EEF1AKMT2: variants seen among roughly 807,000 people sequenced by gnomAD.
The protein encoded by EEF1AKMT2 is eukaryotic translation elongation factor 1 alpha lysine methyltransferase 2.
Under a neutral mutation model 35.8 loss-of-function variants are expected in EEF1AKMT2, and 32 were observed. That is an observed-to-expected ratio of 0.89 (90% CI 0.67 to 1.20). The LOEUF (loss-of-function observed/expected upper bound fraction) is 1.20, where lower values mean the gene tolerates loss of function less well. EEF1AKMT2 is among the 50% of genes most tolerant of loss of function. The probability of loss-of-function intolerance (pLI) is 0.00; values close to 1 mark genes in which losing one functional copy is unlikely to be tolerated. For synonymous variants in EEF1AKMT2, 121 were observed against 133.7 expected, an observed-to-expected ratio of 0.91 and a Z score of 0.65; for missense variants, 330 against 347.5, an observed-to-expected ratio of 0.95 and a Z score of 0.40.
At chr10:124,757,623 T>C (rs1035840927), downstream of EEF1AKMT2, among the ~76,000 whole-genome samples, 1 of 151,968 alleles carries the variant, frequency 6.6e-6, no homozygotes, top group Non-Finnish European at 1.5e-5. Context: ...CACATTACAG[T>C]ATCATAGAAA....
In EEF1AKMT2 at chr10:124,783,981, C is replaced by T. The variant is rs184965015; in HGVS notation, c.291+5062G>A. On this transcript the variant is annotated intron_variant, in intron 3 of 6. Transcript: ENST00000368836. ...CTGGGATTACAGGCATGCACCACCACGCCCAACCAATTTTATATTTTTAGT... is the reference window on the plus strand; with the variant it reads ...CTGGGATTACAGGCATGCACCACCATGCCCAACCAATTTTATATTTTTAGT... 1.7e-4 allele frequency among the ~76,000 whole-genome samples: 26 copies of T among 152,252 alleles called. 1 individual carries two copies. Among genetic ancestry groups the T allele is most frequent in the African/African-American group, 6.3e-4 (26 of 41,556 alleles).
chr10:124,765,493 T>G lies in EEF1AKMT2; in HGVS notation c.515A>C (p.Gln172Pro), dbSNP rs751093375. Residue 172 changes from glutamine (Q) to proline (P), a missense_variant, in exon 5 of 7, where the codon CAA becomes CCA. Gln to Pro is a moderately conservative substitution (Grantham distance 76). Coordinates refer to ENST00000368836, the MANE Select transcript of EEF1AKMT2 (RefSeq NM_212554.4). ...NPDNAIEKRK[Q>P]YVKSLSRVLK... is the part of the protein sequence containing the mutation. ...CACCCTGGAGAGAGATTTCACATAT[T>G]GCTTCCTCTTCTCAATTGCATTGTC... is the stretch of plus-strand genomic sequence containing the variant. 17 of 1,613,880 alleles carry G rather than the reference T, an allele frequency of 1.1e-5. No homozygotes were observed. Among genetic ancestry groups the G allele is most frequent in the Non-Finnish European group, 1.4e-5 (17 of 1,179,950 alleles).
chr10:124,774,456 C>G (rs1452904334), intron 4 of EEF1AKMT2, among the ~76,000 whole-genome samples: 1 of 138,742 alleles, frequency 7.2e-6, no homozygotes, highest in Non-Finnish European at 1.5e-5. Flanking sequence ...TGTGTATTTG[C>G]AAACATCAGG....
At chr10:124,789,290 G>T (rs1950614281) in intron 2 of EEF1AKMT2, 133 bp from the exon 3 acceptor site, 3 of 578,670 alleles carry the variant, frequency 5.2e-6, no homozygotes, top group Non-Finnish European at 9.0e-6. Flanking sequence ...CTTCAGCTTT[G>T]TCTCTACTGT....
At chr10:124,773,542 G>C (rs540832924) in intron 4 of EEF1AKMT2, among the ~76,000 whole-genome samples, 2 of 152,226 alleles carry the variant, frequency 1.3e-5, no homozygotes, top group African/African-American at 4.8e-5. Context: ...CCACTGTAAG[G>C]TTTTTAATTG....
intron 3 of EEF1AKMT2, among the ~76,000 whole-genome samples, chr10:124,785,895 CAAAAAA>C (rs34637624): frequency 1.7e-5 from 1 of 59,464 alleles, no homozygotes; most frequent in Non-Finnish European, 2.9e-5. Context: ...GACTCTGTCT[CAAAAAA>C]AAAAAAAAAA....
At chr10:124,773,141 AACTGAACACTT>A (rs1384271501) in intron 4 of EEF1AKMT2, among the ~76,000 whole-genome samples, 4 of 152,132 alleles carry the variant, frequency 2.6e-5, no homozygotes, top group Non-Finnish European at 4.4e-5. Flanking sequence ...TCTACCTTTC[AACTGAACACTT>A]ACAGGCCACT....
intron 4 of EEF1AKMT2, among the ~76,000 whole-genome samples, chr10:124,771,169 A>G (rs759348319): frequency 7.3e-5 from 11 of 150,972 alleles, no homozygotes; most frequent in African/African-American, 1.2e-4. Flanking sequence ...GCTAGATCTC[A>G]GCTCACTGCA....
At chr10:124,774,092 G>A (rs577595680) in intron 4 of EEF1AKMT2, among the ~76,000 whole-genome samples, 163 of 152,236 alleles carry the variant, frequency 1.1e-3, no homozygotes, top group African/African-American at 3.8e-3. Context: ...TGTGGGCAGG[G>A]CGCGGTGGCT....
chr10:124,777,704 G>GT lies in EEF1AKMT2; in HGVS notation c.292-2923dup, dbSNP rs898795541. 1.9e-3 allele frequency among the ~76,000 whole-genome samples: 279 copies of GT among 149,986 alleles called. 3 individuals are homozygous for GT. Among genetic ancestry groups the GT allele is most frequent in the African/African-American group, 6.0e-3 (244 of 40,868 alleles). On this transcript the variant is annotated intron_variant, in intron 3 of 6. Transcript: ENST00000368836. ...GTTAATTTTTGTTTTTTTGTTTTTT[G>GT]TTTTTTTTTGTAGAGACAGGGTTTC... is the stretch of plus-strand genomic sequence containing the variant.
chr10:124,785,030 C>T (rs1163236713), intron 3 of EEF1AKMT2, among the ~76,000 whole-genome samples: 1 of 151,532 alleles, frequency 6.6e-6, no homozygotes, highest in African/African-American at 2.4e-5. Context: ...GGGAAAATCA[C>T]GAGATCAGGC....
At chr10:124,770,686 G>T (rs576000397) in intron 4 of EEF1AKMT2, among the ~76,000 whole-genome samples, 1 of 152,334 alleles carries the variant, frequency 6.6e-6, no homozygotes, top group East Asian at 1.9e-4. Flanking sequence ...ACACACAGCA[G>T]AACATCCTTC....
intron 6 of EEF1AKMT2, 44 bp downstream of exon 6, chr10:124,762,255 AT>A (rs1365520886): frequency 2.9e-6 from 3 of 1,044,500 alleles, no homozygotes; most frequent in Non-Finnish European, 3.6e-6. Context: ...AAAATGTTAT[AT>A]TATTTTGCTT....
chr10:124,778,197 TACACAC>T (rs34968256), intron 3 of EEF1AKMT2, among the ~76,000 whole-genome samples: 11 of 150,344 alleles, frequency 7.3e-5, no homozygotes, highest in South Asian at 4.2e-4. Context: ...AGTCTATACA[TACACAC>T]ACACACACAC....
chr10:124,773,483 T>C (rs1437659410), intron 4 of EEF1AKMT2, among the ~76,000 whole-genome samples: 1 of 152,162 alleles, frequency 6.6e-6, no homozygotes, highest in Non-Finnish European at 1.5e-5. Flanking sequence ...TCTGCCCACC[T>C]CAGCCTCCTA....
chr10:124,763,553 A>G (rs1589778875), intron 5 of EEF1AKMT2, among the ~76,000 whole-genome samples: 1 of 152,214 alleles, frequency 6.6e-6, no homozygotes, highest in African/African-American at 2.4e-5. Flanking sequence ...AATGTTTTCA[A>G]TTGTATATAA....
intron 3 of EEF1AKMT2, among the ~76,000 whole-genome samples, chr10:124,777,675 C>A (rs1347563874): frequency 2.0e-5 from 3 of 152,016 alleles, no homozygotes; most frequent in South Asian, 2.1e-4. Flanking sequence ...CACCACCATG[C>A]CTGGTTAATT....
chr10:124,787,674 A>C (rs571102608), intron 3 of EEF1AKMT2, among the ~76,000 whole-genome samples: 1 of 151,902 alleles, frequency 6.6e-6, no homozygotes, highest in African/African-American at 2.4e-5. Context: ...TGAGCCTGAG[A>C]GGTTGAGGCT....
chr10:124,757,335 C>G (rs1950294688), downstream of EEF1AKMT2, among the ~76,000 whole-genome samples: 1 of 152,016 alleles, frequency 6.6e-6, no homozygotes, highest in Admixed American at 6.6e-5. Context: ...CCAGGGCTCT[C>G]CCCTGGAGAC....
Sources: allele counts gnomAD v4.1 joint callset (sites outside exome capture counted in the v4.1 genomes callset), GRCh38; gene constraint gnomAD v4.1.1; transcripts MANE v1.5; gene names NCBI Gene and HGNC (gene_info 2026-07-23, HGNC 2026-07-21).